The following RHOA variants were observed in gnomAD, a reference collection of about 807,000 sequenced individuals.
The protein encoded by RHOA is transforming protein RhoA.
Under a neutral mutation model 17.5 loss-of-function variants are expected in RHOA, and 3 were observed. The observed-to-expected ratio is 0.17, with a 90% CI of 0.08 to 0.44. The LOEUF is 0.44. Among genes scored for constraint, RHOA ranks in the 20% least tolerant of loss-of-function variants. The probability of loss-of-function intolerance (pLI) is 0.99; values close to 1 mark genes in which losing one functional copy is unlikely to be tolerated. For synonymous variants in RHOA, 98 were observed against 88.4 expected, an observed-to-expected ratio of 1.11 and a Z score of -0.61; for missense variants, 56 against 242.3, an observed-to-expected ratio of 0.23 and a Z score of 5.10.
intron 1 of RHOA, among the ~76,000 whole-genome samples, chr3:49,376,610 A>T (rs188060116): frequency 2.1e-5 from 3 of 145,824 alleles, no homozygotes; most frequent in Non-Finnish European, 3.0e-5. Flanking sequence ...GCCACTGCAC[A>T]CCAGCCTGGG....
intron 4 of RHOA, among the ~76,000 whole-genome samples, chr3:49,361,718 T>C (rs2047974722): frequency 6.6e-6 from 1 of 150,920 alleles, no homozygotes; most frequent in Admixed American, 6.6e-5. Context: ...CCGTCTCTAC[T>C]AAAAATACAA....
chr3:49,368,124 C>A (rs2107837839), intron 3 of RHOA, among the ~76,000 whole-genome samples: 1 of 152,152 alleles, frequency 6.6e-6, no homozygotes, highest in Non-Finnish European at 1.5e-5. Flanking sequence ...GTTGGCCAGG[C>A]TGGTCTTGAA....
At chr3:49,407,232 G>GATT (rs2048845873) in intron 1 of RHOA, among the ~76,000 whole-genome samples, 1 of 70,020 alleles carries the variant, frequency 1.4e-5, no homozygotes, top group Non-Finnish European at 2.5e-5. Flanking sequence ...AATCCTTTCC[G>GATT]TTTTTTTTTT....
intron 2 of RHOA, among the ~76,000 whole-genome samples, chr3:49,373,963 A>T (rs564194465): frequency 6.6e-6 from 1 of 152,270 alleles, no homozygotes; most frequent in South Asian, 2.1e-4. Context: ...GTCTTGCCAG[A>T]GGGCTTTTAG....
chr3:49,367,474 G>A (rs1161136691), intron 3 of RHOA, among the ~76,000 whole-genome samples: 1 of 151,520 alleles, frequency 6.6e-6, no homozygotes, highest in African/African-American at 2.4e-5. Flanking sequence ...GCTAAGACAG[G>A]GCAACCAAAA....
At chr3:49,410,518 A>G (rs2048914785) in intron 1 of RHOA, among the ~76,000 whole-genome samples, 1 of 152,348 alleles carries the variant, frequency 6.6e-6, no homozygotes, top group South Asian at 2.1e-4. Context: ...ACAAAAGTAG[A>G]TGGAACCAAT....
At chr3:49,367,256 T>C (rs982245786) in intron 3 of RHOA, among the ~76,000 whole-genome samples, 1 of 143,882 alleles carries the variant, frequency 7.0e-6, no homozygotes, top group African/African-American at 2.6e-5. Context: ...GGCAGGAGAA[T>C]GGCATCAACC....
At chr3:49,382,052 G>A (rs1414415556) in intron 1 of RHOA, among the ~76,000 whole-genome samples, 1 of 152,044 alleles carries the variant, frequency 6.6e-6, no homozygotes, top group Non-Finnish European at 1.5e-5. Flanking sequence ...GGGCATGGTG[G>A]CTCACACCTG....
chr3:49,375,965 C>CA (rs2048219273), intron 1 of RHOA, among the ~76,000 whole-genome samples: 1 of 152,084 alleles, frequency 6.6e-6, no homozygotes, highest in African/African-American at 2.4e-5. Flanking sequence ...TCTCCTGCCT[C>CA]AGACTCCCAA....
At chr3:49,364,398 T>C (rs2048021029) in intron 3 of RHOA, among the ~76,000 whole-genome samples, 1 of 151,960 alleles carries the variant, frequency 6.6e-6, no homozygotes, top group South Asian at 2.1e-4. Context: ...GGCTGGAGAA[T>C]CGCTTGAACC....
Position 49,392,993 on chromosome 3 carries a change from A to T in RHOA, c.-2-17402T>A, listed in dbSNP as rs377721108. On this transcript the variant is annotated intron_variant, in intron 1 of 4. Transcript: ENST00000418115. ...GGAGTTCAAGACCAGCCTGGCCAAC[A>T]TGGTCAAACCCCGTCTCTACTAAAA... Among the ~76,000 whole-genome samples, 15 of 152,126 alleles carry T rather than the reference A, an allele frequency of 9.9e-5. No homozygotes were observed. The East Asian group carries it at 2.3e-3, about 24-fold the overall frequency.
At chr3:49,364,985 AAAAAT>A (rs1185223918) in intron 3 of RHOA, among the ~76,000 whole-genome samples, 1 of 152,130 alleles carries the variant, frequency 6.6e-6, no homozygotes, top group Admixed American at 6.6e-5. Context: ...AAACAAAAAT[AAAAAT>A]AAATAAAACA....
Position 49,399,684 on chromosome 3 carries a change from C to T in RHOA, c.-3+12136G>A, listed in dbSNP as rs182268888. Reference sequence around the variant, plus strand: ...CACTGCGGCCTAGAACTCCTGGGCTCCCCTCAGCTGCCCCAAGTGCTGGGA... The same window carrying T: ...CACTGCGGCCTAGAACTCCTGGGCTTCCCTCAGCTGCCCCAAGTGCTGGGA... On this transcript the variant is annotated intron_variant, in intron 1 of 4. Coordinates refer to ENST00000418115, the MANE Select transcript of RHOA (RefSeq NM_001664.4). Among the ~76,000 whole-genome samples, 33 of 151,870 alleles carry T rather than the reference C, an allele frequency of 2.2e-4. No individual in the cohort carries two copies. The East Asian group carries it at 4.1e-3, about 19-fold the overall frequency.
At chr3:49,366,638 T>A (rs575769111) in intron 3 of RHOA, 1 of 152,136 alleles carries the variant, frequency 6.6e-6, no homozygotes, top group Non-Finnish European at 1.5e-5. Context: ...CTGAAAATGA[T>A]CTAAGTGAAC....
rs550644759 is a variant in RHOA at position 49,368,557 on chromosome 3, G to C, written c.157-9C>G. The C allele has an allele frequency of 9.9e-6, 16 of 1,613,748 alleles. No individual in the cohort carries two copies. In the Admixed American group the frequency reaches 1.7e-4, roughly 17 times the overall value. On this transcript the variant is annotated splice_polypyrimidine_tract_variant and intron_variant, in intron 2 of 4. Coordinates refer to ENST00000418115, the MANE Select transcript of RHOA (RefSeq NM_001664.4). ...CACAAAGCCAACTCTACCTGTAATG[G>C]GAAAAACAACCACAAGAGTGCAAGG...
chr3:49,376,500 G>A lies in RHOA; in HGVS notation c.-2-909C>T, dbSNP rs553524791. Among the ~76,000 whole-genome samples, 72 of 151,538 alleles carry A rather than the reference G, an allele frequency of 4.8e-4. No individual in the cohort carries two copies. In the South Asian group the frequency reaches 6.3e-3, roughly 13 times the overall value. ...CTACTAAAAATACAAATAACTAGCC[G>A]GGCATGGTGGCAGGCACCTGTAGTC... On this transcript the variant is annotated intron_variant, in intron 1 of 4. Transcript: ENST00000418115.
intron 1 of RHOA, among the ~76,000 whole-genome samples, chr3:49,393,779 G>A (rs1261561778): frequency 1.3e-5 from 2 of 150,322 alleles, no homozygotes; most frequent in East Asian, 2.0e-4. Flanking sequence ...GTGCAATCTC[G>A]GCTCACTGCA....
At chr3:49,367,479 C>T in intron 3 of RHOA, among the ~76,000 whole-genome samples, 1 of 151,518 alleles carries the variant, frequency 6.6e-6, no homozygotes, top group Admixed American at 6.6e-5. Flanking sequence ...GACAGGGCAA[C>T]CAAAAAAAAG....
intron 1 of RHOA, among the ~76,000 whole-genome samples, chr3:49,376,227 G>A (rs1342597732): frequency 6.6e-6 from 1 of 151,988 alleles, no homozygotes; most frequent in African/African-American, 2.4e-5. Context: ...CATCCAAATT[G>A]GAAAGGAAGA....
Sources: allele counts gnomAD v4.1 joint callset (sites outside exome capture counted in the v4.1 genomes callset), GRCh38; gene constraint gnomAD v4.1.1; transcripts MANE v1.5; gene names NCBI Gene and HGNC (gene_info 2026-07-23, HGNC 2026-07-21).